Variants in ARHGEF37 observed in about 807,000 individuals in gnomAD.
ARHGEF37 encodes Rho guanine nucleotide exchange factor (GEF) 37.
ARHGEF37 carries 55 observed loss-of-function variants against 71.1 expected under a neutral mutation model. That is an observed-to-expected ratio of 0.77 (90% CI 0.62 to 0.97). The LOEUF is 0.97. Ranked by LOEUF, ARHGEF37 falls within the 50% of genes least tolerant of loss-of-function variation. The pLI is 0.00. For synonymous variants in ARHGEF37, 327 were observed against 350.6 expected, an observed-to-expected ratio of 0.93 and a Z score of 0.75; for missense variants, 765 against 836.8, an observed-to-expected ratio of 0.91 and a Z score of 1.06.
Position 149,601,224 on chromosome 5 carries a change from G to A in ARHGEF37, c.303G>A (p.Gln101=). 1 of 1,611,538 alleles carries A rather than the reference G, an allele frequency of 6.2e-7. No homozygotes were observed. The highest frequency in any genetic ancestry group is 8.5e-7 in the Non-Finnish European group (1 of 1,178,014). ...ETASKEEEQV[Q]LVGNIFLEFQ... is the part of the protein sequence containing the mutation. The stretch of plus-strand genomic sequence containing the variant: ...CCTCCAAGGAAGAGGAACAAGTGCA[G>A]CTAGTTGGTAAGCAAAAAACCTAAG... The change falls in exon 3 of 13, where the codon CAG becomes CAA. Residue 101 remains glutamine (Q), a synonymous_variant. Coordinates refer to ENST00000333677, the MANE Select transcript of ARHGEF37 (RefSeq NM_001001669.3).
intron 1 of ARHGEF37, among the ~76,000 whole-genome samples, chr5:149,553,532 C>T (rs934748114): frequency 6.6e-6 from 1 of 151,706 alleles, no homozygotes; most frequent in Non-Finnish European, 1.5e-5. Flanking sequence ...ATGGATTCCT[C>T]AGCTTGAGGA....
intron 1 of ARHGEF37, among the ~76,000 whole-genome samples, chr5:149,572,375 A>G (rs1004802811): frequency 1.3e-5 from 2 of 152,210 alleles, no homozygotes; most frequent in African/African-American, 4.8e-5. Flanking sequence ...ACAGGCTATC[A>G]AGGAGACAAG....
chr5:149,628,647 G>A (rs764353495), intron 11 of ARHGEF37, among the ~76,000 whole-genome samples, 162 bp from the exon 12 acceptor site: 31 of 152,218 alleles, frequency 2.0e-4, no homozygotes, highest in Non-Finnish European at 2.5e-4. Flanking sequence ...AGCCAGAAAC[G>A]GTGAGTGTGG....
chr5:149,622,201 G>T, intron 9 of ARHGEF37, 139 bp downstream of exon 9: 1 of 806,974 alleles, frequency 1.2e-6, no homozygotes, highest in Non-Finnish European at 1.9e-6. Context: ...GGAAGAGGCA[G>T]TGGGAACCTT....
chr5:149,551,707 C>A (rs575577899), upstream of ARHGEF37, among the ~76,000 whole-genome samples: 2 of 152,266 alleles, frequency 1.3e-5, no homozygotes, highest in African/African-American at 4.8e-5. Context: ...GAGTGGCCCC[C>A]CGGCCTTGAT....
At chr5:149,554,647 G>GTTT (rs111671134) in intron 1 of ARHGEF37, among the ~76,000 whole-genome samples, 4 of 137,640 alleles carry the variant, frequency 2.9e-5, no homozygotes, top group African/African-American at 1.1e-4. Flanking sequence ...TGGCAAAATT[G>GTTT]TTTTTTTTTT....
intron 1 of ARHGEF37, among the ~76,000 whole-genome samples, chr5:149,588,938 G>T (rs1275710220): frequency 6.6e-6 from 1 of 151,966 alleles, no homozygotes; most frequent in East Asian, 1.9e-4. Context: ...CCTCCAATTG[G>T]TCAAAACTAG....
At chr5:149,615,785 G>A (rs892560911) in intron 4 of ARHGEF37, among the ~76,000 whole-genome samples, 2 of 152,098 alleles carry the variant, frequency 1.3e-5, no homozygotes, top group African/African-American at 2.4e-5. Flanking sequence ...CCAGCTACTC[G>A]GGAGGCTGAG....
intron 4 of ARHGEF37, among the ~76,000 whole-genome samples, chr5:149,614,765 G>T (rs979670238): frequency 6.6e-6 from 1 of 152,138 alleles, no homozygotes; most frequent in Non-Finnish European, 1.5e-5. Flanking sequence ...CTTCTGAGGG[G>T]CTCCCACCTG....
chr5:149,560,972 A>T (rs909434961), intron 1 of ARHGEF37, among the ~76,000 whole-genome samples: 2 of 152,096 alleles, frequency 1.3e-5, no homozygotes, highest in Non-Finnish European at 2.9e-5. Flanking sequence ...ATAGATAGGT[A>T]GTTAGAAATT....
At chr5:149,552,588 A>G (rs995158012) in intron 1 of ARHGEF37, among the ~76,000 whole-genome samples, 2 of 152,244 alleles carry the variant, frequency 1.3e-5, no homozygotes, top group Non-Finnish European at 2.9e-5. Flanking sequence ...CTGTAATCCC[A>G]GCACTTCGGG....
Position 149,633,323 on chromosome 5 carries a change from GC to G in ARHGEF37, c.*1135del, listed in dbSNP as rs1752943544. ...CCCCCGGCATGCTGCCCTCCCCCAC[GC>G]CCATGCCTGTGGCAGCAAACCTTGT... On this transcript the variant is annotated 3_prime_UTR_variant, in exon 13 of 13. Transcript: ENST00000333677. 6 of 152,330 alleles carry G rather than the reference GC, an allele frequency of 3.9e-5. No individual in the cohort carries two copies. The highest frequency in any genetic ancestry group is 3.9e-4 in the Admixed American group (6 of 15,288). The allele number at this position is 152,330 out of a possible 1,614,324, so 9.4% of individuals were successfully genotyped here. A position where few individuals can be genotyped will look rare whatever the true frequency, so the allele number is the denominator to read the frequency against.
At chr5:149,631,458 A>G (rs983711845) in intron 12 of ARHGEF37, among the ~76,000 whole-genome samples, 5 of 152,160 alleles carry the variant, frequency 3.3e-5, no homozygotes, top group Admixed American at 2.6e-4. Context: ...GGCGTGAGCC[A>G]CCACACCTGG....
chr5:149,568,969 G>T (rs1279829708), intron 1 of ARHGEF37, among the ~76,000 whole-genome samples: 2 of 151,914 alleles, frequency 1.3e-5, no homozygotes, highest in Non-Finnish European at 2.9e-5. Flanking sequence ...AAATGTGTAT[G>T]TATATTTATG....
At chr5:149,592,603 T>G (rs1403211403) in intron 1 of ARHGEF37, among the ~76,000 whole-genome samples, 1 of 152,226 alleles carries the variant, frequency 6.6e-6, no homozygotes, top group Non-Finnish European at 1.5e-5. Context: ...CTGTGAACAC[T>G]TATGTACAGG....
intron 3 of ARHGEF37, among the ~76,000 whole-genome samples, chr5:149,606,154 C>T (rs1319095576): frequency 6.6e-6 from 1 of 152,186 alleles, no homozygotes; most frequent in Non-Finnish European, 1.5e-5. Context: ...TTTCTGAGGA[C>T]ACACCCATGT....
At chr5:149,553,580 T>C (rs1762714941) in intron 1 of ARHGEF37, among the ~76,000 whole-genome samples, 1 of 152,154 alleles carries the variant, frequency 6.6e-6, no homozygotes, top group Non-Finnish European at 1.5e-5. Flanking sequence ...TTTAGACGGA[T>C]ATTTTGGTAT....
At chr5:149,601,982 T>C (rs139795760) in intron 3 of ARHGEF37, among the ~76,000 whole-genome samples, 16 of 152,258 alleles carry the variant, frequency 1.1e-4, no homozygotes, top group African/African-American at 3.4e-4. Context: ...TGGAGTTTAT[T>C]CTAACTGTGA....
At chr5:149,572,603 A>G (rs1418260780) in intron 1 of ARHGEF37, among the ~76,000 whole-genome samples, 1 of 152,234 alleles carries the variant, frequency 6.6e-6, no homozygotes, top group Non-Finnish European at 1.5e-5. Flanking sequence ...GTGTCCTGAT[A>G]GTTGGTCAAA....
Sources: allele counts gnomAD v4.1 joint callset (sites outside exome capture counted in the v4.1 genomes callset), GRCh38; gene constraint gnomAD v4.1.1; transcripts MANE v1.5; gene names NCBI Gene and HGNC (gene_info 2026-07-23, HGNC 2026-07-21).